Variants in VIT observed in about 807,000 individuals in gnomAD.
VIT encodes the protein vitrin.
VIT carries 99 observed loss-of-function variants against 78.0 expected under a neutral mutation model. The observed-to-expected ratio is 1.27, with a 90% CI of 1.08 to 1.50. VIT has a LOEUF of 1.50. VIT is among the 40% of genes most tolerant of loss of function. The pLI is 0.00. For synonymous variants in VIT, 374 were observed against 334.3 expected (o/e 1.12, Z -1.29); for missense variants, 1,126 against 875.3 (o/e 1.29, Z -3.61).
In VIT at chr2:36,773,830, G is replaced by A; in HGVS notation, c.719G>A (p.Arg240Lys). Residue 240 changes from arginine (R) to lysine (K), a missense_variant, in exon 8 of 16, where the codon AGG (arginine) becomes AAG (lysine). By Grantham distance (26) the Arg-to-Lys change is conservative. Transcript: ENST00000379242. Reference protein sequence around the residue: ...STATYTSSQNRPRADPGIQRQ... With the variant: ...STATYTSSQNKPRADPGIQRQ... ...GCCACCTACACAAGCAGCCAAAACA[G>A]GCCCAGAGCTGATCCAGGTAAGACC... 1 of 1,602,802 alleles carries A rather than the reference G, an allele frequency of 6.2e-7. No homozygotes were observed. Among genetic ancestry groups the A allele is most frequent in the South Asian group, 1.1e-5 (1 of 88,744 alleles).
intron 7 of VIT, among the ~76,000 whole-genome samples, chr2:36,771,242 C>T (rs1031600938): frequency 3.3e-5 from 5 of 152,094 alleles, no homozygotes; most frequent in Non-Finnish European, 5.9e-5. Context: ...TAAAAATGTT[C>T]GGCTTTGCCG....
intron 4 of VIT, among the ~76,000 whole-genome samples, chr2:36,748,009 T>G (rs1224447385): frequency 2.0e-5 from 3 of 152,220 alleles, no homozygotes; most frequent in Non-Finnish European, 4.4e-5. Flanking sequence ...ATACGAAATT[T>G]TTGTTGGGAT....
intron 3 of VIT, among the ~76,000 whole-genome samples, chr2:36,731,334 C>T (rs1027994258): frequency 5.9e-5 from 9 of 151,870 alleles, no homozygotes; most frequent in South Asian, 2.1e-4. Context: ...AGTGCAGTGG[C>T]GCAATCTCGG....
chr2:36,712,320 G>A (rs970111837), intron 1 of VIT, among the ~76,000 whole-genome samples: 13 of 152,136 alleles, frequency 8.5e-5, no homozygotes, highest in African/African-American at 2.4e-4. Context: ...GGGTGAGATC[G>A]CGGGGATTAG....
chr2:36,807,236 G>T (rs1331036363), intron 14 of VIT, among the ~76,000 whole-genome samples: 4 of 152,142 alleles, frequency 2.6e-5, no homozygotes, highest in Admixed American at 2.0e-4. Flanking sequence ...TCAGTCCTGT[G>T]GGGTCCTTGC....
intron 4 of VIT, among the ~76,000 whole-genome samples, chr2:36,747,346 T>C (rs1322117224): frequency 2.0e-5 from 3 of 152,196 alleles, no homozygotes; most frequent in African/African-American, 4.8e-5. Flanking sequence ...AAGTCCAGAA[T>C]TTCTTTGTCA....
chr2:36,739,178 AAAAAAT>A (rs1263015150), intron 3 of VIT, among the ~76,000 whole-genome samples: 17 of 152,150 alleles, frequency 1.1e-4, no homozygotes, highest in Non-Finnish European at 1.0e-4. Flanking sequence ...TTCTTCATTA[AAAAAAT>A]AAAAATAATA....
At chr2:36,808,100 C>T (rs553882911) in intron 14 of VIT, among the ~76,000 whole-genome samples, 24 of 152,322 alleles carry the variant, frequency 1.6e-4, no homozygotes, top group African/African-American at 5.1e-4. Flanking sequence ...CTTTAGTCCT[C>T]TCATGCCATG....
intron 2 of VIT, among the ~76,000 whole-genome samples, 192 bp downstream of exon 2, chr2:36,716,614 T>C (rs1666151668): frequency 6.6e-6 from 1 of 152,222 alleles, no homozygotes; most frequent in African/African-American, 2.4e-5. Context: ...TGCATGTGTA[T>C]GTGTTTTTAT....
intron 8 of VIT, 94 bp from the exon 9 acceptor site, chr2:36,774,908 C>A: frequency 6.4e-7 from 1 of 1,567,880 alleles, no homozygotes; most frequent in Non-Finnish European, 8.7e-7. Flanking sequence ...CAAGGAAAAT[C>A]TGAACTAAGG....
chr2:36,789,465 T>C (rs1665334204), intron 12 of VIT, among the ~76,000 whole-genome samples: 1 of 152,196 alleles, frequency 6.6e-6, no homozygotes, highest in African/African-American at 2.4e-5. Context: ...CAATGACGAA[T>C]TGATGTGTTG....
intron 3 of VIT, among the ~76,000 whole-genome samples, chr2:36,741,981 C>T (rs1431554892): frequency 1.3e-5 from 2 of 152,194 alleles, no homozygotes; most frequent in Non-Finnish European, 2.9e-5. Context: ...TTCTTGCTTC[C>T]TCATGCCCAA....
intron 2 of VIT, among the ~76,000 whole-genome samples, chr2:36,717,806 C>G (rs1003619079): frequency 6.6e-6 from 1 of 152,120 alleles, no homozygotes; most frequent in Non-Finnish European, 1.5e-5. Context: ...AACAAAACAC[C>G]GCAATCTGGG....
At position 36,777,575 on chromosome 2, in the gene VIT, G is replaced by C. The variant is rs148599935; in HGVS notation, c.802+2508G>C. The stretch of plus-strand genomic sequence containing the variant: ...CACCCCAACTTCCATTTGGGGTAAG[G>C]CTTGTCTCACCACTGGCTCATCTCC... On this transcript the variant is annotated intron_variant, in intron 9 of 15. Transcript: ENST00000379242. Among the ~76,000 whole-genome samples the C allele has an allele frequency of 3.7e-3, 562 of 152,142 alleles. 4 individuals carry two copies. Among genetic ancestry groups the C allele is most frequent in the Non-Finnish European group, 6.6e-3 (447 of 68,006 alleles).
At chr2:36,768,423 C>G (rs1669564784) in intron 7 of VIT, among the ~76,000 whole-genome samples, 2 of 152,300 alleles carry the variant, frequency 1.3e-5, no homozygotes, top group Admixed American at 1.3e-4. Context: ...CAGAAAGAGA[C>G]TCCGTTTCAA....
chr2:36,808,235 C>A (rs1447047747), intron 14 of VIT, among the ~76,000 whole-genome samples: 1 of 152,194 alleles, frequency 6.6e-6, no homozygotes, highest in Non-Finnish European at 1.5e-5. Flanking sequence ...AGACAGCTTT[C>A]CACTAACGCA....
intron 15 of VIT, among the ~76,000 whole-genome samples, chr2:36,810,062 C>T (rs1667043325): frequency 1.3e-5 from 2 of 149,600 alleles, no homozygotes; most frequent in South Asian, 2.1e-4. Flanking sequence ...GAGGCTGAGG[C>T]GGGCGGATCA....
chr2:36,713,206 G>C (rs1665913690), intron 1 of VIT, among the ~76,000 whole-genome samples: 1 of 152,198 alleles, frequency 6.6e-6, no homozygotes, highest in Non-Finnish European at 1.5e-5. Flanking sequence ...CTCATGACAG[G>C]TAACATTTAA....
chr2:36,786,135 C>T (rs562716863), intron 11 of VIT, among the ~76,000 whole-genome samples: 1 of 152,002 alleles, frequency 6.6e-6, no homozygotes, highest in South Asian at 2.1e-4. Context: ...CTCTCGGATA[C>T]ACCAGCCTAG....
Sources: gnomAD v4.1 joint callset for allele counts (sites outside exome capture counted in the v4.1 genomes callset) on GRCh38, gnomAD v4.1.1 for gene constraint, MANE v1.5 for transcripts, NCBI Gene and HGNC (gene_info 2026-07-23, HGNC 2026-07-21) for gene names.